CC2D2B: variants seen among roughly 807,000 people sequenced by gnomAD.
CC2D2B encodes the protein protein CC2D2B.
Under a neutral mutation model 161.2 loss-of-function variants are expected in CC2D2B, and 128 were observed. The ratio of observed to expected loss-of-function variants is 0.79; its 90% confidence interval spans 0.69 to 0.92. The LOEUF is 0.92. Ranked by LOEUF, CC2D2B falls within the 40% of genes least tolerant of loss-of-function variation. CC2D2B has a pLI of 0.00. For missense variants in CC2D2B, 1,173 were observed against 1,375.1 expected (o/e 0.85, Z 2.32); for synonymous variants, 391 against 449.8 (o/e 0.87, Z 1.65).
At chr10:95,960,591 C>A (rs772026822) in intron 11 of CC2D2B, among the ~76,000 whole-genome samples, 7 of 152,122 alleles carry the variant, frequency 4.6e-5, no homozygotes, top group Non-Finnish European at 8.8e-5. Flanking sequence ...CGGCTCACTG[C>A]AGTCTCAACC....
intron 17 of CC2D2B, among the ~76,000 whole-genome samples, chr10:95,979,528 C>A (rs1274595893): frequency 6.6e-6 from 1 of 152,116 alleles, no homozygotes; most frequent in East Asian, 1.9e-4. Flanking sequence ...AATGATAAGC[C>A]TGGTGCTAGT....
chr10:96,016,723 T>G (rs2079215344), intron 30 of CC2D2B, among the ~76,000 whole-genome samples: 1 of 152,176 alleles, frequency 6.6e-6, no homozygotes, highest in Non-Finnish European at 1.5e-5. Context: ...GTTTTTGTTT[T>G]TATTTTTGTT....
At chr10:95,915,254 A>C (rs957058319) in intron 2 of CC2D2B, among the ~76,000 whole-genome samples, 1 of 152,142 alleles carries the variant, frequency 6.6e-6, no homozygotes, top group Non-Finnish European at 1.5e-5. Context: ...TTTGTATATC[A>C]ATTTTATGTC....
At chr10:95,925,087 T>C (rs1428154829) in intron 5 of CC2D2B, among the ~76,000 whole-genome samples, 1 of 152,198 alleles carries the variant, frequency 6.6e-6, no homozygotes, top group African/African-American at 2.4e-5. Context: ...TAAAAAATTA[T>C]AATAAAATAT....
intron 17 of CC2D2B, among the ~76,000 whole-genome samples, chr10:95,981,347 C>T (rs1002224522): frequency 7.1e-6 from 1 of 141,644 alleles, no homozygotes; most frequent in Admixed American, 7.8e-5. Flanking sequence ...GAGCCGGGAT[C>T]GCGCCACCGC....
chr10:95,951,694 T>A (rs997651867), intron 10 of CC2D2B, among the ~76,000 whole-genome samples: 2 of 152,198 alleles, frequency 1.3e-5, no homozygotes, highest in Non-Finnish European at 1.5e-5. Flanking sequence ...TATTATAGAA[T>A]CTTTAAAATC....
chr10:95,993,898 G>T (rs2078075373), intron 22 of CC2D2B, among the ~76,000 whole-genome samples: 1 of 69,280 alleles, frequency 1.4e-5, no homozygotes, highest in Non-Finnish European at 2.8e-5. Flanking sequence ...TAGAGAGAGA[G>T]AATGTGTGTG....
chr10:95,946,228 T>G (rs538926496), intron 9 of CC2D2B, among the ~76,000 whole-genome samples: 2 of 152,226 alleles, frequency 1.3e-5, no homozygotes, highest in African/African-American at 4.8e-5. Flanking sequence ...CTACAGTCAC[T>G]TCCACCTTTA....
intron 9 of CC2D2B, among the ~76,000 whole-genome samples, chr10:95,941,042 A>C (rs1406708411): frequency 6.6e-6 from 1 of 152,202 alleles, no homozygotes; most frequent in Admixed American, 6.5e-5. Context: ...AAACTTATGT[A>C]TATACAGTCA....
At chr10:95,995,097 A>G (rs1210504851) in intron 22 of CC2D2B, among the ~76,000 whole-genome samples, 172 bp from the exon 23 acceptor site, 1 of 152,248 alleles carries the variant, frequency 6.6e-6, no homozygotes, top group Non-Finnish European at 1.5e-5. Context: ...AGTAGTAATT[A>G]TCAAATGTTT....
chr10:95,975,793 G>A (rs528198778), intron 17 of CC2D2B, among the ~76,000 whole-genome samples: 3 of 152,266 alleles, frequency 2.0e-5, no homozygotes, highest in South Asian at 2.1e-4. Flanking sequence ...TTAGAGACCT[G>A]GAGAAGGTCA....
At chr10:95,935,883 A>C (rs2075803285) in intron 6 of CC2D2B, among the ~76,000 whole-genome samples, 1 of 152,114 alleles carries the variant, frequency 6.6e-6, no homozygotes, top group Admixed American at 6.5e-5. Flanking sequence ...AACACTTATC[A>C]CCACTTAATG....
At chr10:96,017,966 C>CTA (rs2141899849) in intron 30 of CC2D2B, among the ~76,000 whole-genome samples, 1 of 152,180 alleles carries the variant, frequency 6.6e-6, no homozygotes, top group Admixed American at 6.5e-5. Flanking sequence ...AGCAATGCCA[C>CTA]TAACTGTATG....
At chr10:95,957,018 G>C (rs2076588171) in intron 11 of CC2D2B, among the ~76,000 whole-genome samples, 1 of 152,174 alleles carries the variant, frequency 6.6e-6, no homozygotes, top group Admixed American at 6.6e-5. Flanking sequence ...GCAGCATCCA[G>C]AGGAAGGCTT....
chr10:95,967,952 G>C (rs1240526298), intron 14 of CC2D2B, among the ~76,000 whole-genome samples: 1 of 152,182 alleles, frequency 6.6e-6, no homozygotes, highest in Non-Finnish European at 1.5e-5. Context: ...TTCTGAGAAA[G>C]AGGGTCAAGT....
chr10:95,989,420 C>T (rs2077860417), intron 20 of CC2D2B, among the ~76,000 whole-genome samples: 1 of 152,206 alleles, frequency 6.6e-6, no homozygotes, highest in Admixed American at 6.5e-5. Context: ...CATGAGACAG[C>T]CCCCTTTATC....
chr10:96,025,187 AAAAAAAT>A lies in CC2D2B; in HGVS notation c.3947+278_3947+284del, dbSNP rs1564684287. Among the ~76,000 whole-genome samples, 12 of 50,826 alleles carry A rather than the reference AAAAAAAT, an allele frequency of 2.4e-4. 1 individual carries two copies. Among genetic ancestry groups the A allele is most frequent in the African/African-American group, 7.9e-4 (11 of 13,866 alleles). 33.3% of individuals were successfully genotyped at this position (50,826 alleles called of 152,430 possible). A position where few individuals can be genotyped will look rare whatever the true frequency, so the allele number is the denominator to read the frequency against. On this transcript the variant is annotated intron_variant, in intron 33 of 34. Coordinates refer to ENST00000646931, the MANE Select transcript of CC2D2B (RefSeq NM_001349008.3). The stretch of plus-strand genomic sequence containing the variant: ...TATATATATATATATATATATATAA[AAAAAAAT>A]ATATATATATATATATATATATATA...
intron 34 of CC2D2B, among the ~76,000 whole-genome samples, chr10:96,031,107 A>G (rs1424863277): frequency 1.3e-5 from 2 of 152,162 alleles, no homozygotes; most frequent in African/African-American, 4.8e-5. Context: ...TCTATGTGCC[A>G]GGCATTATGC....
At chr10:96,006,261 A>G (rs2078744522) in intron 25 of CC2D2B, among the ~76,000 whole-genome samples, 1 of 150,722 alleles carries the variant, frequency 6.6e-6, no homozygotes, top group South Asian at 2.1e-4. Context: ...GAGACTATAA[A>G]TTTATCTCGG....
Sources: gnomAD v4.1 joint callset for allele counts (sites outside exome capture counted in the v4.1 genomes callset) on GRCh38, gnomAD v4.1.1 for gene constraint, MANE v1.5 for transcripts, NCBI Gene and HGNC (gene_info 2026-07-23, HGNC 2026-07-21) for gene names.